Variants in PLS3 observed in about 807,000 individuals in gnomAD.
PLS3 encodes plastin 3.
In PLS3, 11 loss-of-function variants were observed where a neutral mutation model predicts 46.5. That is an observed-to-expected ratio of 0.24 (90% CI 0.15 to 0.39). The LOEUF is 0.39. Ranked by LOEUF, PLS3 falls within the 10% of genes least tolerant of loss-of-function variation. The probability of loss-of-function intolerance (pLI) is 1.00; values close to 1 mark genes in which losing one functional copy is unlikely to be tolerated. For synonymous variants in PLS3, 167 were observed against 162.2 expected (o/e 1.03, Z -0.22); for missense variants, 308 against 461.8 (o/e 0.67, Z 3.05).
At chrX:115,568,924 T>A (rs1394113441) in intron 1 of PLS3, among the ~76,000 whole-genome samples, 1 of 109,873 alleles carries the variant, frequency 9.1e-6, no homozygotes, top group Non-Finnish European at 1.9e-5. Flanking sequence ...TAATCCCAGC[T>A]ACTTGGGAGG....
intron 2 of PLS3, among the ~76,000 whole-genome samples, chrX:115,611,332 C>A: frequency 8.9e-6 from 1 of 112,122 alleles, no homozygotes; most frequent in Non-Finnish European, 1.9e-5. Flanking sequence ...CTGAATCTAA[C>A]ATGATCGCGC....
intron 9 of PLS3, among the ~76,000 whole-genome samples, chrX:115,640,906 T>C (rs1019225200): frequency 7.2e-5 from 8 of 111,478 alleles, no homozygotes; most frequent in African/African-American, 2.3e-4. Context: ...GTGTTGAGAG[T>C]AATGTGATTA....
At chrX:115,618,985 T>C (rs1358834042) in intron 2 of PLS3, among the ~76,000 whole-genome samples, 1 of 112,671 alleles carries the variant, frequency 8.9e-6, no homozygotes, top group Non-Finnish European at 1.9e-5. Context: ...CCTCCAAAGA[T>C]ATCATAAAAA....
chrX:115,599,581 C>T (rs1261391044), intron 1 of PLS3, among the ~76,000 whole-genome samples: 7 of 97,328 alleles, frequency 7.2e-5, no homozygotes, highest in African/African-American at 2.8e-4. Flanking sequence ...CCAACACATG[C>T]TTTTGCTTTT....
chrX:115,627,868 G>A (rs191406782), intron 3 of PLS3, among the ~76,000 whole-genome samples: 5 of 112,224 alleles, frequency 4.5e-5, no homozygotes, highest in African/African-American at 6.5e-5. Flanking sequence ...TAAAATTTAA[G>A]TGCTTACTAA....
intron 8 of PLS3, chrX:115,640,060 C>T: frequency 3.1e-6 from 3 of 978,883 alleles, no homozygotes; most frequent in Non-Finnish European, 4.2e-6. Context: ...TTCTATGCTT[C>T]CTGGATTTCT....
chrX:115,584,209 T>C (rs782416527), intron 1 of PLS3, among the ~76,000 whole-genome samples: 77 of 112,185 alleles, frequency 6.9e-4, no homozygotes, highest in Non-Finnish European at 1.1e-3. Context: ...CACTATAATA[T>C]ATGACACTGA....
At chrX:115,635,119 C>T in intron 7 of PLS3, 73 bp downstream of exon 7, 1 of 891,510 alleles carries the variant, frequency 1.1e-6, no homozygotes, top group East Asian at 3.1e-5. Context: ...TTCGTGCTCT[C>T]ACTTAATGGA....
intron 2 of PLS3, among the ~76,000 whole-genome samples, chrX:115,618,845 C>G (rs782286544): frequency 1.7e-4 from 19 of 109,676 alleles, no homozygotes; most frequent in African/African-American, 6.3e-4. Flanking sequence ...GAGCCAAGAT[C>G]ATGCCACTGC....
chrX:115,610,297 A>G lies in PLS3; in HGVS notation c.47A>G (p.Glu16Gly), dbSNP rs1556635942. ...TTQISKDELD[E>G]LKEAFAKVDL... ...CAGATTTCCAAAGATGAGCTTGATG[A>G]ACTCAAAGAGGCCTTTGCAAAAGTT... The change falls in exon 2 of 16, where the codon GAA becomes GGA. Residue 16 changes from glutamate (E) to glycine (G), a missense_variant. Transcript: ENST00000355899. 8.6e-7 allele frequency: 1 copy of G among 1,163,426 alleles called. No individual in the cohort carries two copies. Among genetic ancestry groups the G allele is most frequent in the African/African-American group, 1.8e-5 (1 of 56,626 alleles).
chrX:115,609,877 T>G (rs1004819722), intron 1 of PLS3, among the ~76,000 whole-genome samples: 16 of 112,159 alleles, frequency 1.4e-4, no homozygotes, highest in Non-Finnish European at 7.5e-5. Flanking sequence ...AATGATACTT[T>G]CCGTGAATCA....
At chrX:115,611,356 T>C (rs2074546923) in intron 2 of PLS3, among the ~76,000 whole-genome samples, 1 of 112,765 alleles carries the variant, frequency 8.9e-6, no homozygotes, top group African/African-American at 3.2e-5. Flanking sequence ...CGCGCGTGTG[T>C]GTGTGTGTAT....
intron 1 of PLS3, among the ~76,000 whole-genome samples, chrX:115,575,071 T>C (rs1039767930): frequency 3.6e-5 from 4 of 111,947 alleles, no homozygotes; most frequent in Non-Finnish European, 7.5e-5. Flanking sequence ...TTCCCTGTTC[T>C]GGACATTACA....
chrX:115,592,321 A>G (rs1247547280), intron 1 of PLS3, among the ~76,000 whole-genome samples: 1 of 111,600 alleles, frequency 9.0e-6, no homozygotes, highest in Non-Finnish European at 1.9e-5. Context: ...ACTCTTACAT[A>G]TTTATATCTT....
chrX:115,625,305 G>A (rs1300949840), intron 3 of PLS3, among the ~76,000 whole-genome samples: 2 of 110,708 alleles, frequency 1.8e-5, no homozygotes, highest in Non-Finnish European at 3.8e-5. Context: ...TCAGAGAAAT[G>A]TCTGTGTGTG....
At chrX:115,587,387 G>A (rs1196477892) in intron 1 of PLS3, among the ~76,000 whole-genome samples, 1 of 112,069 alleles carries the variant, frequency 8.9e-6, no homozygotes, top group African/African-American at 3.2e-5. Flanking sequence ...TCGTCTTGAG[G>A]GAAAGCACTT....
At chrX:115,578,691 CAAAA>C (rs373605509) in intron 1 of PLS3, among the ~76,000 whole-genome samples, 45 of 26,958 alleles carry the variant, frequency 1.7e-3, no homozygotes, top group Non-Finnish European at 2.8e-3. Context: ...CGCCACTGCA[CAAAA>C]AAAAAAAAAA....
intron 5 of PLS3, among the ~76,000 whole-genome samples, chrX:115,631,665 C>T (rs1300893584): frequency 9.0e-6 from 1 of 111,280 alleles, no homozygotes; most frequent in African/African-American, 3.3e-5. Flanking sequence ...CCCAGGAGTA[C>T]AAGGCGGCAG....
chrX:115,589,694 G>T (rs782263668), intron 1 of PLS3, among the ~76,000 whole-genome samples: 1 of 112,235 alleles, frequency 8.9e-6, no homozygotes, highest in East Asian at 2.8e-4. Context: ...AGAGCATGAC[G>T]TCTGGATGAA....
Sources: allele counts gnomAD v4.1 joint callset (sites outside exome capture counted in the v4.1 genomes callset), GRCh38; gene constraint gnomAD v4.1.1; transcripts MANE v1.5; gene names NCBI Gene and HGNC (gene_info 2026-07-23, HGNC 2026-07-21).